ECT2: variants seen among roughly 807,000 people sequenced by gnomAD.
ECT2 encodes the protein epithelial cell transforming 2.
In ECT2, 61 loss-of-function variants were observed where a neutral mutation model predicts 116.9. The ratio of observed to expected loss-of-function variants is 0.52; its 90% CI spans 0.42 to 0.65. The LOEUF is 0.65. Ranked by LOEUF, ECT2 falls within the 30% of genes least tolerant of loss-of-function variation. The pLI, the probability that ECT2 is intolerant of heterozygous loss-of-function variation, is 0.00. For missense variants in ECT2, 937 were observed against 1,078.7 expected, an observed-to-expected ratio of 0.87 and a Z score of 1.84; for synonymous variants, 358 against 346.4, an observed-to-expected ratio of 1.03 and a Z score of -0.37.
chr3:172,759,578 AC>A (rs1436238174), intron 6 of ECT2, among the ~76,000 whole-genome samples: 1 of 152,080 alleles, frequency 6.6e-6, no homozygotes, highest in Non-Finnish European at 1.5e-5. Context: ...AGGAGCTGGG[AC>A]TACAGGCGCC....
At chr3:172,760,003 T>G (rs529270767) in intron 6 of ECT2, among the ~76,000 whole-genome samples, 153 bp from the exon 7 acceptor site, 1 of 152,358 alleles carries the variant, frequency 6.6e-6, no homozygotes, top group South Asian at 2.1e-4. Flanking sequence ...TTTTTTATAC[T>G]TACTTTGACA....
chr3:172,825,376 G>T (rs1009117808), downstream of ECT2, among the ~76,000 whole-genome samples: 1 of 151,974 alleles, frequency 6.6e-6, no homozygotes, highest in African/African-American at 2.4e-5. Context: ...AAAATCAAAA[G>T]CTAGGAATTA....
chr3:172,753,380 G>C (rs1464847726), intron 1 of ECT2, among the ~76,000 whole-genome samples: 1 of 152,166 alleles, frequency 6.6e-6, no homozygotes, highest in African/African-American at 2.4e-5. Flanking sequence ...TTTCAGATGT[G>C]AGCCCCCAAC....
chr3:172,821,927 T>C (rs1730714239), downstream of ECT2, among the ~76,000 whole-genome samples: 2 of 151,894 alleles, frequency 1.3e-5, no homozygotes, highest in Middle Eastern at 3.2e-3. Context: ...TTTACTGTTA[T>C]CTATCTGCCT....
At chr3:172,782,093 C>A in intron 14 of ECT2, 70 bp from the exon 15 acceptor site, 1 of 894,670 alleles carries the variant, frequency 1.1e-6, no homozygotes. Context: ...ATGAGTATCT[C>A]AGAAATAATA....
At chr3:172,805,136 A>G (rs1317694884) in intron 20 of ECT2, among the ~76,000 whole-genome samples, 2 of 152,178 alleles carry the variant, frequency 1.3e-5, no homozygotes, top group African/African-American at 4.8e-5. Context: ...CCATCATCCT[A>G]TTTAATAATA....
Position 172,783,791 on chromosome 3 carries a change from CT to C in ECT2, c.1618-6del. 1.3e-6 allele frequency: 2 copies of C among 1,538,774 alleles called. No individual in the cohort carries two copies. The highest frequency in any genetic ancestry group is 1.8e-6 in the Non-Finnish European group (2 of 1,118,774). ...AATAAATAATGTTTTTTTCCCTTTT[CT>C]TCCTAGTCAAAAGATTTGGTAAAAA... On this transcript the variant is annotated splice_region_variant and splice_polypyrimidine_tract_variant and intron_variant, in intron 15 of 24. Transcript: ENST00000392692.
chr3:172,815,139 TCA>T, intron 22 of ECT2, among the ~76,000 whole-genome samples: 1 of 152,308 alleles, frequency 6.6e-6, no homozygotes, highest in East Asian at 1.9e-4. Flanking sequence ...CTGTTCATTG[TCA>T]CCCTACCGGC....
Position 172,780,508 on chromosome 3 carries a change from T to G in ECT2, c.1549-1655T>G, listed in dbSNP as rs149082395. ...TATGGTAGTTTTGTATTTAAAAATT[T>G]TAAGAAAATGCCAGGGTTTTCCCAT... On this transcript the variant is annotated intron_variant, in intron 14 of 24. Transcript: ENST00000392692. 1.4e-3 allele frequency among the ~76,000 whole-genome samples: 208 copies of G among 152,286 alleles called. 1 individual carries two copies. Among genetic ancestry groups the G allele is most frequent in the African/African-American group, 4.5e-3 (188 of 41,572 alleles).
At chr3:172,792,774 G>A (rs1724915340) in intron 18 of ECT2, among the ~76,000 whole-genome samples, 1 of 152,086 alleles carries the variant, frequency 6.6e-6, no homozygotes, top group Non-Finnish European at 1.5e-5. Flanking sequence ...CTGGAATGTG[G>A]TGGTGTAATG....
intron 18 of ECT2, among the ~76,000 whole-genome samples, chr3:172,799,087 C>G (rs1340307917): frequency 6.6e-6 from 1 of 152,104 alleles, no homozygotes; most frequent in Non-Finnish European, 1.5e-5. Context: ...TAATAAAAAG[C>G]TGTAATACAC....
At chr3:172,825,873 G>A (rs1730827414), downstream of ECT2, among the ~76,000 whole-genome samples, 1 of 152,190 alleles carries the variant, frequency 6.6e-6, no homozygotes, top group South Asian at 2.1e-4. Flanking sequence ...ACAGCCTTCT[G>A]TTGGAAGAAA....
chr3:172,807,725 TC>T (rs1728037860), intron 21 of ECT2, 44 bp from the exon 22 acceptor site: 2 of 1,558,786 alleles, frequency 1.3e-6, no homozygotes, highest in Admixed American at 3.8e-5. Context: ...TCTGTCATTT[TC>T]CAAGGAGTGA....
intron 15 of ECT2, among the ~76,000 whole-genome samples, chr3:172,782,902 C>T (rs1279835317): frequency 6.6e-6 from 1 of 151,990 alleles, no homozygotes; most frequent in Non-Finnish European, 1.5e-5. Flanking sequence ...GCATAGCATT[C>T]CATAGTGTAT....
intron 14 of ECT2, among the ~76,000 whole-genome samples, chr3:172,780,318 G>A (rs963347836): frequency 6.6e-6 from 1 of 151,926 alleles, no homozygotes; most frequent in African/African-American, 2.4e-5. Flanking sequence ...CCATTATATG[G>A]CTATACTAAC....
At chr3:172,792,645 T>C (rs916730645) in intron 18 of ECT2, among the ~76,000 whole-genome samples, 2 of 152,198 alleles carry the variant, frequency 1.3e-5, no homozygotes, top group Admixed American at 1.3e-4. Context: ...AACAAGCTTG[T>C]ATAGACATAT....
At chr3:172,821,534 G>C (rs1453759999), downstream of ECT2, 1 of 151,786 alleles carries the variant, frequency 6.6e-6, no homozygotes, top group African/African-American at 2.4e-5. Flanking sequence ...ATGAATGCTT[G>C]CATCAACATA....
At chr3:172,823,300 T>C (rs1730760887), downstream of ECT2, among the ~76,000 whole-genome samples, 1 of 146,372 alleles carries the variant, frequency 6.8e-6, no homozygotes, top group Admixed American at 6.6e-5. Flanking sequence ...AGAACTCCAG[T>C]CTCTAAAAAC....
At chr3:172,755,402 T>C (rs1716768463) in intron 3 of ECT2, 28 bp downstream of exon 3, 1 of 1,576,210 alleles carries the variant, frequency 6.3e-7, no homozygotes. Flanking sequence ...TTAGTTTTTT[T>C]TGTAATGCAA....
Sources: gnomAD v4.1 joint callset for allele counts (sites outside exome capture counted in the v4.1 genomes callset) on GRCh38, gnomAD v4.1.1 for gene constraint, MANE v1.5 for transcripts, NCBI Gene and HGNC (gene_info 2026-07-23, HGNC 2026-07-21) for gene names.